Variants in ZNF536 observed in about 807,000 individuals in gnomAD.
ZNF536 encodes zinc finger protein 536.
A neutral mutation model predicts 84.5 loss-of-function variants in ZNF536; 13 were observed. The ratio of observed to expected loss-of-function variants is 0.15; its 90% CI spans 0.10 to 0.24. The LOEUF (loss-of-function observed/expected upper bound fraction) is 0.24, where lower values mean the gene tolerates loss of function less well. Among genes scored for constraint, ZNF536 ranks in the 10% least tolerant of loss-of-function variants. The pLI is 1.00. For synonymous variants in ZNF536, 811 were observed against 742.5 expected (o/e 1.09, Z -1.50); for missense variants, 1,536 against 1,747.5 (o/e 0.88, Z 2.16).
intron 1 of ZNF536, among the ~76,000 whole-genome samples, chr19:30,279,555 G>T (rs1007335592): frequency 2.2e-4 from 34 of 152,208 alleles, no homozygotes; most frequent in African/African-American, 7.5e-4. Context: ...AGGAGCTGCG[G>T]TTTTTTGGTA....
At chr19:30,551,404 G>A (rs2045778515) in intron 4 of ZNF536, among the ~76,000 whole-genome samples, 2 of 152,186 alleles carry the variant, frequency 1.3e-5, no homozygotes, top group Admixed American at 1.3e-4. Flanking sequence ...GCCGGGTCTT[G>A]AGAGCCTTTT....
At chr19:30,366,010 T>A (rs904295845) in intron 3 of ZNF536, among the ~76,000 whole-genome samples, 1 of 152,148 alleles carries the variant, frequency 6.6e-6, no homozygotes, top group African/African-American at 2.4e-5. Flanking sequence ...TTTGGGGCAC[T>A]GTTTGGGATT....
intron 3 of ZNF536, among the ~76,000 whole-genome samples, chr19:30,547,199 G>A (rs1206832926): frequency 6.6e-6 from 1 of 152,116 alleles, no homozygotes; most frequent in Admixed American, 6.5e-5. Flanking sequence ...TATATTTTGT[G>A]CCTTTTTATT....
intron 1 of ZNF536, among the ~76,000 whole-genome samples, chr19:30,421,756 G>A (rs1179649669): frequency 1.3e-5 from 2 of 152,170 alleles, no homozygotes; most frequent in East Asian, 3.9e-4. Flanking sequence ...GGATCTCCAG[G>A]AGAGAAGCCC....
At chr19:30,474,238 C>T (rs918245505) in intron 2 of ZNF536, among the ~76,000 whole-genome samples, 2 of 152,080 alleles carry the variant, frequency 1.3e-5, no homozygotes, top group African/African-American at 4.8e-5. Flanking sequence ...TAGGGCCAGA[C>T]TGTGGAAGGC....
At chr19:30,289,716 T>C (rs531704449) in intron 2 of ZNF536, among the ~76,000 whole-genome samples, 122 of 152,358 alleles carry the variant, frequency 8.0e-4, no homozygotes, top group Non-Finnish European at 1.5e-3. Flanking sequence ...TCTTTTCTCA[T>C]ATGACCCCCA....
At chr19:30,511,542 C>T (rs577852039) in intron 2 of ZNF536, among the ~76,000 whole-genome samples, 10 of 152,170 alleles carry the variant, frequency 6.6e-5, no homozygotes, top group Middle Eastern at 3.4e-3. Context: ...GTTGTCTCAG[C>T]CTTCATTGTG....
chr19:30,241,129 G>A (rs2023910717), intron 1 of ZNF536, among the ~76,000 whole-genome samples: 1 of 152,092 alleles, frequency 6.6e-6, no homozygotes, highest in Non-Finnish European at 1.5e-5. Flanking sequence ...ATCAGCCTGG[G>A]CAGCATAGTG....
chr19:30,545,260 C>T, intron 3 of ZNF536, among the ~76,000 whole-genome samples: 1 of 152,124 alleles, frequency 6.6e-6, no homozygotes, highest in East Asian at 1.9e-4. Context: ...AGGCCAACTT[C>T]TGCGCCGACC....
intron 1 of ZNF536, among the ~76,000 whole-genome samples, chr19:30,386,694 A>G (rs975372014): frequency 1.3e-5 from 2 of 152,184 alleles, no homozygotes; most frequent in African/African-American, 4.8e-5. Flanking sequence ...CTCTTCTGAC[A>G]TGTAGTGGGT....
intron 1 of ZNF536, among the ~76,000 whole-genome samples, chr19:30,623,040 G>GTTTTTTTTTTTTTTTTTTTTT (rs778168856): frequency 5.0e-5 from 5 of 99,276 alleles, no homozygotes; most frequent in African/African-American, 7.4e-5. Flanking sequence ...TTGTTTTTTT[G>GTTTTTTTTTTTTTTTTTTTTT]TTTTTTTGTT....
At chr19:30,300,549 A>C (rs763767958) in intron 2 of ZNF536, 1 of 152,202 alleles carries the variant, frequency 6.6e-6, no homozygotes, top group Non-Finnish European at 1.5e-5. Context: ...GCACACTAGA[A>C]TCATGAGGCT....
At chr19:30,473,908 C>T (rs1427336401) in intron 2 of ZNF536, among the ~76,000 whole-genome samples, 1 of 152,230 alleles carries the variant, frequency 6.6e-6, no homozygotes, top group African/African-American at 2.4e-5. Flanking sequence ...GCTTGTGTGG[C>T]CTTCAGCAAG....
At chr19:30,441,624 A>T (rs2052052397) in intron 1 of ZNF536, among the ~76,000 whole-genome samples, 2 of 152,090 alleles carry the variant, frequency 1.3e-5, no homozygotes, top group African/African-American at 2.4e-5. Flanking sequence ...AACCTCCAAA[A>T]TGGGCCCGCG....
chr19:30,232,889 T>A (rs2023179661), intron 1 of ZNF536, among the ~76,000 whole-genome samples: 1 of 152,222 alleles, frequency 6.6e-6, no homozygotes, highest in Non-Finnish European at 1.5e-5. Context: ...TAATCAAAAA[T>A]GTCTCCAGAC....
intron 2 of ZNF536, among the ~76,000 whole-genome samples, chr19:30,313,135 C>T (rs1010844965): frequency 6.6e-6 from 1 of 152,234 alleles, no homozygotes; most frequent in Non-Finnish European, 1.5e-5. Context: ...GAGCCCGGGG[C>T]ACTCACAAGG....
intron 1 of ZNF536, among the ~76,000 whole-genome samples, chr19:30,627,042 A>G (rs2048706693): frequency 6.6e-6 from 1 of 152,142 alleles, no homozygotes; most frequent in Admixed American, 6.5e-5. Flanking sequence ...TGGGGGCTCA[A>G]TGACCTCTTT....
intron 3 of ZNF536, among the ~76,000 whole-genome samples, chr19:30,359,745 C>T (rs1281283072): frequency 2.0e-5 from 3 of 152,190 alleles, no homozygotes; most frequent in South Asian, 2.1e-4. Context: ...TCTGCCTCCT[C>T]TGAGTCTGAT....
rs2146206440 is a variant in ZNF536 at position 30,548,549 on chromosome 19, A to G, written c.2930A>G (p.Asp977Gly). ...GAGAAATCTCAGTATGAACCCCTGG[A>G]CTTGTCTGTGCGGCCAGATGCCGCC... ...KSEKSQYEPL[D>G]LSVRPDAASL... The change falls in exon 4 of 5, where the codon GAC becomes GGC. Residue 977 changes from aspartate to glycine, a missense_variant. Around this residue, in one of 8 missense-constraint regions of ZNF536, gnomAD observed 624 missense variants for 603.1 expected, o/e 1.03. Transcript: ENST00000355537. 1 of 1,614,072 alleles carries G rather than the reference A, an allele frequency of 6.2e-7. No individual in the cohort carries two copies. The highest frequency in any genetic ancestry group is 8.5e-7 in the Non-Finnish European group (1 of 1,180,024).
Sources: gnomAD v4.1 joint callset for allele counts (sites outside exome capture counted in the v4.1 genomes callset) on GRCh38, gnomAD v4.1.1 for gene constraint, gnomAD v4.1.1 regional missense constraint, MANE v1.5 for transcripts, NCBI Gene and HGNC (gene_info 2026-07-23, HGNC 2026-07-21) for gene names.